The following PCF11 variants were observed in gnomAD, a reference collection of about 807,000 sequenced individuals.
PCF11 encodes PCF11 cleavage and polyadenylation factor subunit.
Under a neutral mutation model 166.1 loss-of-function variants are expected in PCF11, and 19 were observed. The observed-to-expected ratio is 0.11, with a 90% confidence interval of 0.08 to 0.17. The LOEUF (loss-of-function observed/expected upper bound fraction) is 0.17, where lower values mean the gene tolerates loss of function less well. Ranked by LOEUF, PCF11 falls within the 10% of genes least tolerant of loss-of-function variation. The pLI is 1.00. For missense variants in PCF11, 1,565 were observed against 1,855.5 expected (o/e 0.84, Z 2.88); for synonymous variants, 663 against 644.1 (o/e 1.03, Z -0.44).
Position 83,184,848 on chromosome 11 carries a change from C to T in PCF11, c.4622C>T (p.Thr1541Ile), listed in dbSNP as rs772737355. ...GCTTGTACAGAGGAAAGCATAGCAA[C>T]ACCCTCTGAAATTAAAACAGAAAAT... Residue 1541 changes from threonine to isoleucine, a missense_variant, in exon 16 of 16, where the codon ACA (threonine) becomes ATA (isoleucine). Coordinates refer to ENST00000298281, the Ensembl canonical transcript of PCF11. The T allele has an allele frequency of 1.6e-5, 26 of 1,580,096 alleles. No individual in the cohort carries two copies. In the South Asian group the frequency reaches 3.0e-4, roughly 18 times the overall value.
In PCF11 at chr11:83,167,883, C is replaced by A. The variant is rs1323922758; in HGVS notation, c.2092+378C>A. The stretch of plus-strand genomic sequence containing the variant: ...TGAGGGCCGGAGAAGACATGACGAG[C>A]AAGTCTCTGCTAAAGGTAGAAAAAG... On this transcript the variant is annotated intron_variant, in intron 7 of 15. Coordinates refer to ENST00000298281, the Ensembl canonical transcript of PCF11. The surrounding 1 kb of genome is among the most constrained non-coding windows in gnomAD (Gnocchi z 4.2). 2 of 1,305,120 alleles carry A rather than the reference C, an allele frequency of 1.5e-6. No homozygotes were observed. The highest frequency in any genetic ancestry group is 4.6e-5 in the Admixed American group (2 of 43,896). The allele number at this position is 1,305,120 out of a possible 1,614,324, so 80.8% of individuals were successfully genotyped here.
exon 8 of PCF11, chr11:83,169,644 A>T: frequency 6.2e-7 from 1 of 1,613,998 alleles, no homozygotes; most frequent in Non-Finnish European, 8.5e-7. Flanking sequence ...AGCAAGCATC[A>T]AGGTTTGATA....
chr11:83,160,957 G>GT (rs1284049209), intron 1 of PCF11, among the ~76,000 whole-genome samples: 3 of 152,182 alleles, frequency 2.0e-5, no homozygotes, highest in African/African-American at 7.2e-5. Flanking sequence ...GCACACCGTT[G>GT]TAAGTTAATA....
At chr11:83,159,876 T>C (rs546698255) in intron 1 of PCF11, among the ~76,000 whole-genome samples, 1 of 152,320 alleles carries the variant, frequency 6.6e-6, no homozygotes, top group African/African-American at 2.4e-5. Context: ...ATAAAAGGAC[T>C]TCACTTGTAC....
exon 1 of PCF11, chr11:83,157,439 A>G: frequency 6.2e-7 from 1 of 1,607,948 alleles, no homozygotes; most frequent in Non-Finnish European, 8.5e-7. Context: ...GCCGCGGCGC[A>G]ATGTCAGAGC....
exon 8 of PCF11, chr11:83,169,556 G>C (rs1242252443): frequency 6.2e-7 from 1 of 1,613,984 alleles, no homozygotes; most frequent in East Asian, 2.2e-5. Flanking sequence ...GGCCCTCAGA[G>C]GTTTGATGGA....
chr11:83,174,470 C>T (rs530985475), intron 9 of PCF11, among the ~76,000 whole-genome samples: 8 of 151,486 alleles, frequency 5.3e-5, no homozygotes, highest in East Asian at 1.9e-4. Flanking sequence ...CCTCCCACCT[C>T]GGCCTCCCAA....
At chr11:83,168,111 T>C (rs2135426277) in intron 7 of PCF11, among the ~76,000 whole-genome samples, 1 of 152,330 alleles carries the variant, frequency 6.6e-6, no homozygotes, top group South Asian at 2.1e-4. Context: ...TAGGTATTTT[T>C]TATATGTAAT....
intron 9 of PCF11, among the ~76,000 whole-genome samples, chr11:83,173,377 C>T (rs530085209): frequency 6.6e-6 from 1 of 152,174 alleles, no homozygotes; most frequent in South Asian, 2.1e-4. Context: ...ATCGCTTGAA[C>T]CCAGGAGGTG....
At chr11:83,187,261 T>C (rs1239023093) in exon 16 of PCF11, 1 of 152,204 alleles carries the variant, frequency 6.6e-6, no homozygotes, top group African/African-American at 2.4e-5. Context: ...TTTCACCACG[T>C]TGGCCAGGCT....
chr11:83,177,794 A>G (rs1454805970), exon 11 of PCF11: 3 of 1,522,482 alleles, frequency 2.0e-6, no homozygotes, highest in African/African-American at 2.8e-5. Flanking sequence ...AGATCTTACT[A>G]ATTTTACAGT....
intron 15 of PCF11, chr11:83,184,203 T>C (rs867649266): frequency 6.5e-6 from 1 of 153,782 alleles, no homozygotes; most frequent in African/African-American, 2.4e-5. Context: ...TAGTCTGTTT[T>C]TAAAATCAAG....
intron 11 of PCF11, among the ~76,000 whole-genome samples, chr11:83,178,812 C>CA (rs747677105): frequency 0.15 from 16,707 of 110,824 alleles, 1,072 homozygotes; most frequent in Middle Eastern, 0.33. Context: ...GACTGTGTCT[C>CA]AAAAAAAAAA....
chr11:83,181,383 A>G (rs931909269), intron 12 of PCF11, among the ~76,000 whole-genome samples, 192 bp downstream of exon 12: 131 of 151,662 alleles, frequency 8.6e-4, no homozygotes, highest in African/African-American at 3.0e-3. Flanking sequence ...TTTTTTAAAA[A>G]ATGAATTTTG....
exon 5 of PCF11, chr11:83,165,747 T>A (rs760419454): frequency 3.1e-6 from 5 of 1,613,634 alleles, no homozygotes; most frequent in Non-Finnish European, 4.2e-6. Context: ...TCCAGGACCA[T>A]CCTTACAAAT....
intron 4 of PCF11, 37 bp downstream of exon 4, chr11:83,164,438 CCTGT>C: frequency 1.4e-6 from 2 of 1,476,036 alleles, no homozygotes; most frequent in Non-Finnish European, 9.3e-7. Flanking sequence ...ATATTTTAAA[CCTGT>C]CTAACAATAG....
intron 1 of PCF11, 172 bp downstream of exon 1, chr11:83,157,803 CT>C: frequency 1.6e-6 from 1 of 626,996 alleles, no homozygotes; most frequent in Non-Finnish European, 2.8e-6. Context: ...GCATGGGCCT[CT>C]GGGGGGGAGG....
At chr11:83,159,839 A>T (rs917917249) in intron 1 of PCF11, among the ~76,000 whole-genome samples, 4 of 152,182 alleles carry the variant, frequency 2.6e-5, no homozygotes, top group Non-Finnish European at 4.4e-5. Flanking sequence ...ACTCCTCCCA[A>T]GAGAGAGCAG....
chr11:83,168,900 G>A (rs1212252868), exon 8 of PCF11: 21 of 1,613,654 alleles, frequency 1.3e-5, no homozygotes, highest in Non-Finnish European at 1.7e-5. Context: ...CTGGTCTGAG[G>A]TTTGAGGGAT....
Sources: gnomAD v4.1 joint callset for allele counts (sites outside exome capture counted in the v4.1 genomes callset) on GRCh38, gnomAD v4.1.1 for gene constraint, Gnocchi (gnomAD v3.1) non-coding constraint, MANE v1.5 for transcripts, NCBI Gene and HGNC (gene_info 2026-07-23, HGNC 2026-07-21) for gene names.